CAMTA1: variants seen among roughly 807,000 people sequenced by gnomAD.
CAMTA1 encodes the protein calmodulin binding transcription activator 1.
In CAMTA1, 27 loss-of-function variants were observed where a neutral mutation model predicts 170.9. The ratio of observed to expected loss-of-function variants is 0.16; its 90% CI spans 0.12 to 0.22. CAMTA1 has a LOEUF of 0.22. Among genes scored for constraint, CAMTA1 ranks in the 10% least tolerant of loss-of-function variants. CAMTA1 has a pLI of 1.00. For missense variants in CAMTA1, 1,619 were observed against 2,217.2 expected (o/e 0.73, Z 5.42); for synonymous variants, 833 against 891.5 (o/e 0.93, Z 1.17).
intron 3 of CAMTA1, among the ~76,000 whole-genome samples, chr1:6,861,975 T>G (rs1430462987): frequency 6.6e-6 from 1 of 151,686 alleles, no homozygotes; most frequent in African/African-American, 2.4e-5. Flanking sequence ...TTTTTTTTTT[T>G]TTTTTGAGAC....
chr1:7,108,555 G>GT (rs1049739496), intron 4 of CAMTA1, among the ~76,000 whole-genome samples: 26 of 152,156 alleles, frequency 1.7e-4, no homozygotes, highest in African/African-American at 6.3e-4. Flanking sequence ...TCCTTGGGGT[G>GT]AAAAAGGTTC....
Position 7,664,488 on chromosome 1 carries a change from G to T in CAMTA1, c.1941G>T (p.Val647=). The T allele has an allele frequency of 6.2e-7, 1 of 1,613,318 alleles. No homozygotes were observed. Among genetic ancestry groups the T allele is most frequent in the Non-Finnish European group, 8.5e-7 (1 of 1,180,048 alleles). Residue 647 remains valine, a synonymous_variant, in exon 9 of 23, where the codon GTG becomes GTT. Transcript: ENST00000303635. ...GGGGCACCTTCGTGATGCCCACGGTGAAAACGGAGGCCTCGTCCCAAACCA... is the reference window on the plus strand; with the variant it reads ...GGGGCACCTTCGTGATGCCCACGGTTAAAACGGAGGCCTCGTCCCAAACCA... ...DSGGTFVMPT[V]KTEASSQTSS... is the part of the protein sequence containing the mutation.
intron 5 of CAMTA1, among the ~76,000 whole-genome samples, chr1:7,341,900 C>A (rs2083860174): frequency 6.6e-6 from 1 of 152,118 alleles, no homozygotes; most frequent in Non-Finnish European, 1.5e-5. Flanking sequence ...TCGCCTCCTC[C>A]CCCACCAGGG....
At chr1:7,438,560 T>C (rs1171158422) in intron 5 of CAMTA1, among the ~76,000 whole-genome samples, 1 of 152,086 alleles carries the variant, frequency 6.6e-6, no homozygotes, top group Non-Finnish European at 1.5e-5. Context: ...GGCCCCTGTG[T>C]CCAGGCAGGA....
At position 6,804,424 on chromosome 1, in the gene CAMTA1, G is replaced by A. The variant is rs147797959; in HGVS notation, c.46-15757G>A. On this transcript the variant is annotated intron_variant, in intron 1 of 22. Coordinates refer to ENST00000303635, the MANE Select transcript of CAMTA1 (RefSeq NM_015215.4). ...TTTCTTTTGTATATTTACATGTTTC[G>A]TGCAACTGTCCCCACTCTCTAATTC... Among the ~76,000 whole-genome samples, 509 of 151,418 alleles carry A rather than the reference G, an allele frequency of 3.4e-3. 3 individuals are homozygous for A. Among genetic ancestry groups the A allele is most frequent in the Non-Finnish European group, 4.8e-3 (323 of 67,894 alleles).
intron 5 of CAMTA1, among the ~76,000 whole-genome samples, chr1:7,458,748 G>A (rs1045533890): frequency 8.5e-5 from 13 of 152,202 alleles, no homozygotes; most frequent in South Asian, 8.3e-4. Flanking sequence ...GTCCCCTGGC[G>A]TGGCAGGGCC....
intron 3 of CAMTA1, among the ~76,000 whole-genome samples, chr1:7,006,463 AC>A (rs966922494): frequency 6.6e-6 from 1 of 152,066 alleles, no homozygotes; most frequent in African/African-American, 2.4e-5. Context: ...TGGGAAAAAA[AC>A]CCAAGCAGCC....
At chr1:7,691,256 C>G (rs139656566) in intron 11 of CAMTA1, among the ~76,000 whole-genome samples, 2 of 152,282 alleles carry the variant, frequency 1.3e-5, no homozygotes, top group African/African-American at 4.8e-5. Context: ...CGCAGAAACT[C>G]TGTGGTGGGA....
In CAMTA1 at chr1:7,592,200, CT is replaced by C. The variant is rs1557969363; in HGVS notation, c.511-48196del. Among the ~76,000 whole-genome samples, 2 of 152,202 alleles carry C rather than the reference CT, an allele frequency of 1.3e-5. No homozygotes were observed. Among genetic ancestry groups the C allele is most frequent in the Non-Finnish European group, 1.5e-5 (1 of 68,042 alleles). ...AGGCATGAGCCACCGCACCCAGCCACTTTTCACAGTTTAGATCTCAGCTCAG... is the reference window on the plus strand; with the variant it reads ...AGGCATGAGCCACCGCACCCAGCCACTTTCACAGTTTAGATCTCAGCTCAG... On this transcript the variant is annotated intron_variant, in intron 6 of 22. Transcript: ENST00000303635. This position sits in a 1 kb window ranked among gnomAD's most constrained non-coding sequence, Gnocchi z 4.6.
intron 1 of CAMTA1, among the ~76,000 whole-genome samples, chr1:6,806,408 G>C (rs1644515067): frequency 6.6e-6 from 1 of 152,210 alleles, no homozygotes; most frequent in Non-Finnish European, 1.5e-5. Flanking sequence ...AGACAACTGA[G>C]ATATAATGGG....
rs1386445134 is a variant in CAMTA1 at position 7,440,584 on chromosome 1, A to AT, written c.439-27236dup. 9.0e-3 allele frequency among the ~76,000 whole-genome samples: 1,341 copies of AT among 149,658 alleles called. 20 individuals are homozygous for AT. Among genetic ancestry groups the AT allele is most frequent in the African/African-American group, 0.03 (1,247 of 40,962 alleles). ...AAACAGCATGAGACGCACTCCTTTT[A>AT]TTTTTTTTTTACCTGCCAGAGGCAG... On this transcript the variant is annotated intron_variant, in intron 5 of 22. Coordinates refer to ENST00000303635, the MANE Select transcript of CAMTA1 (RefSeq NM_015215.4).
In CAMTA1 at chr1:7,571,027, G is replaced by A. The variant is rs114719027; in HGVS notation, c.511-69373G>A. On this transcript the variant is annotated intron_variant, in intron 6 of 22. Coordinates refer to ENST00000303635, the MANE Select transcript of CAMTA1 (RefSeq NM_015215.4). ...CCCTCCCAGAGCCAGGCCTGTGCAT[G>A]CTCTGCAACAATCTGTGCCCAACTG... Among the ~76,000 whole-genome samples the A allele has an allele frequency of 3.7e-3, 563 of 152,316 alleles. 2 individuals are homozygous for A. The highest frequency in any genetic ancestry group is 5.4e-3 in the Non-Finnish European group (368 of 68,024).
At chr1:7,420,580 G>A (rs1468899519) in intron 5 of CAMTA1, among the ~76,000 whole-genome samples, 2 of 150,212 alleles carry the variant, frequency 1.3e-5, no homozygotes, top group East Asian at 2.0e-4. Flanking sequence ...TCTTCCCACC[G>A]AGCCCCCACC....
At position 7,508,714 on chromosome 1, in the gene CAMTA1, G is replaced by T. The variant is rs141545822; in HGVS notation, c.510+40813G>T. 1.2e-4 allele frequency among the ~76,000 whole-genome samples: 18 copies of T among 150,584 alleles called. No homozygotes were observed. In the East Asian group the frequency reaches 3.6e-3, roughly 30 times the overall value. On this transcript the variant is annotated intron_variant, in intron 6 of 22. Transcript: ENST00000303635. ...TGAAGAATGGAAGGAGGTTAGGAAG[G>T]TTGGAAGGGTGGAGGGAGGGAAGGG... is the stretch of plus-strand genomic sequence containing the variant.
intron 3 of CAMTA1, among the ~76,000 whole-genome samples, chr1:7,081,775 C>T (rs1278201234): frequency 6.6e-6 from 1 of 151,960 alleles, no homozygotes; most frequent in Admixed American, 6.5e-5. Flanking sequence ...AGCATGTGGG[C>T]CTGGGGTTGC....
intron 4 of CAMTA1, among the ~76,000 whole-genome samples, chr1:7,200,642 T>C (rs1029734303): frequency 1.3e-5 from 2 of 152,230 alleles, no homozygotes; most frequent in Non-Finnish European, 2.9e-5. Flanking sequence ...CCGCATAGAT[T>C]AGATTACACA....
rs974143837 is a variant in CAMTA1, at chr1:6,965,777, C to T, written c.235-125527C>T. Among the ~76,000 whole-genome samples, 1 of 152,134 alleles carries T rather than the reference C, an allele frequency of 6.6e-6. No individual in the cohort carries two copies. Among genetic ancestry groups the T allele is most frequent in the African/African-American group, 2.4e-5 (1 of 41,420 alleles). On this transcript the variant is annotated intron_variant, in intron 3 of 22. Transcript: ENST00000303635. The surrounding 1 kb of genome is among the most constrained non-coding windows in gnomAD (Gnocchi z 4.1). ...TGTGACAAAAGCTGCATTTGCATATCGCCGTGATGAGGTCTGGATGGAGCC... is the reference window on the plus strand; with the variant it reads ...TGTGACAAAAGCTGCATTTGCATATTGCCGTGATGAGGTCTGGATGGAGCC...
intron 6 of CAMTA1, among the ~76,000 whole-genome samples, chr1:7,506,746 C>T (rs916491024): frequency 1.3e-5 from 2 of 151,244 alleles, no homozygotes; most frequent in Non-Finnish European, 2.9e-5. Flanking sequence ...CATGCTCACA[C>T]AAAATCTCAC....
At chr1:6,930,290 A>G (rs1362713704) in intron 3 of CAMTA1, among the ~76,000 whole-genome samples, 1 of 152,104 alleles carries the variant, frequency 6.6e-6, no homozygotes, top group Admixed American at 6.5e-5. Context: ...CTGGCGTACC[A>G]TGTTCCCACC....
Sources: allele counts gnomAD v4.1 joint callset (sites outside exome capture counted in the v4.1 genomes callset), GRCh38; gene constraint gnomAD v4.1.1; non-coding constraint Gnocchi (gnomAD v3.1); transcripts MANE v1.5; gene names NCBI Gene and HGNC (gene_info 2026-07-23, HGNC 2026-07-21).